NBN: variants seen among roughly 807,000 people sequenced by gnomAD.
The protein encoded by NBN is Nijmegen breakage syndrome 1 (nibrin).
In NBN, 88 loss-of-function variants were observed where a neutral mutation model predicts 90.8. That is an observed-to-expected ratio of 0.97 (90% CI 0.82 to 1.16). The LOEUF (loss-of-function observed/expected upper bound fraction) is 1.16. Among genes scored for constraint, NBN ranks in the 50% most tolerant of loss-of-function variants. The probability of loss-of-function intolerance (pLI) is 0.00; values close to 1 mark genes in which losing one functional copy is unlikely to be tolerated. For synonymous variants in NBN, 328 were observed against 295.1 expected, an observed-to-expected ratio of 1.11 and a Z score of -1.14; for missense variants, 894 against 869.6, an observed-to-expected ratio of 1.03 and a Z score of -0.35.
chr8:89,978,928 AT>A (rs1410286235), intron 4 of NBN, among the ~76,000 whole-genome samples: 1 of 152,256 alleles, frequency 6.6e-6, no homozygotes, highest in Non-Finnish European at 1.5e-5. Flanking sequence ...TATGACAAAC[AT>A]TAGAAAATGC....
At chr8:89,952,542 A>G (rs1489672793) in intron 11 of NBN, among the ~76,000 whole-genome samples, 1 of 152,214 alleles carries the variant, frequency 6.6e-6, no homozygotes, top group Non-Finnish European at 1.5e-5. Context: ...CTTAGCTAAT[A>G]AACTATAACT....
chr8:89,955,768 C>G (rs903151578), intron 9 of NBN, among the ~76,000 whole-genome samples: 5 of 152,066 alleles, frequency 3.3e-5, no homozygotes, highest in East Asian at 1.9e-4. Context: ...TTCTTCACCC[C>G]CTACAGCACA....
Position 89,937,064 on chromosome 8 carries a change from T to C in NBN, c.2196A>G (p.Gln732=), listed in dbSNP as rs587780780. Residue 732 remains glutamine (Q), a synonymous_variant, in exon 15 of 16, where the codon CAA becomes CAG. Coordinates refer to ENST00000265433, the MANE Select transcript of NBN (RefSeq NM_002485.5). ...CAGCAAGAGACTCTTCTTTTGCATG[T>C]TGATTTTGTACCTGTCAAAATTAAC... ...WLRQEMEVQN[Q]HAKEESLADD... 28 of 1,612,600 alleles carry C rather than the reference T, an allele frequency of 1.7e-5. No homozygotes were observed. The highest frequency in any genetic ancestry group is 1.6e-4 in the East Asian group (7 of 44,842).
intron 13 of NBN, 53 bp from the exon 14 acceptor site, chr8:89,943,419 CA>C: frequency 6.5e-7 from 1 of 1,550,170 alleles, no homozygotes; most frequent in East Asian, 2.3e-5. Flanking sequence ...CAAAAATGAC[CA>C]TTTTTTTAAA....
At chr8:89,970,313 A>C in intron 7 of NBN, 51 bp downstream of exon 7, 1 of 1,465,876 alleles carries the variant, frequency 6.8e-7, no homozygotes, top group Non-Finnish European at 9.5e-7. Context: ...AAAAGGTTAA[A>C]CATAAAATCT....
At chr8:89,938,978 T>G (rs1224126146) in intron 14 of NBN, among the ~76,000 whole-genome samples, 1 of 152,150 alleles carries the variant, frequency 6.6e-6, no homozygotes, top group East Asian at 1.9e-4. Context: ...ACATATAAAA[T>G]AGTATTAAGA....
In NBN at chr8:89,935,191, T is replaced by G. The variant is rs1180294897; in HGVS notation, c.*391A>C. ...AATTATTTAAAAATAGGAATTTGAA[T>G]AGGACTCAAAAATCCCTGGAAAGAT... On this transcript the variant is annotated 3_prime_UTR_variant, in exon 16 of 16. Transcript: ENST00000265433. 1 of 269,578 alleles carries G rather than the reference T, an allele frequency of 3.7e-6. No homozygotes were observed. The highest frequency in any genetic ancestry group is 2.2e-5 in the African/African-American group (1 of 45,784). The allele number at this position is 269,578 out of a possible 1,614,324, so 16.7% of individuals were successfully genotyped here.
intron 5 of NBN, 34 bp downstream of exon 5, chr8:89,978,186 T>C: frequency 1.3e-6 from 2 of 1,541,782 alleles, no homozygotes; most frequent in Admixed American, 1.7e-5. Context: ...ATCATATAAG[T>C]GACATCTTGT....
chr8:89,958,898 T>G lies in NBN; in HGVS notation c.995-44A>C, dbSNP rs763033661. The G allele has an allele frequency of 1.9e-6, 3 of 1,608,850 alleles. No individual in the cohort carries two copies. In the East Asian group the frequency reaches 6.7e-5, roughly 36 times the overall value. ...GAAAGAAAGAATCACAACTGCTAGA[T>G]AGAAGATGAACATCTGGTCACTTAA... is the stretch of plus-strand genomic sequence containing the variant. On this transcript the variant is annotated intron_variant, in intron 8 of 15. Coordinates refer to ENST00000265433, the MANE Select transcript of NBN (RefSeq NM_002485.5).
chr8:89,970,139 CTCAGGAGACTAAG>C (rs1429260452), intron 7 of NBN, among the ~76,000 whole-genome samples: 1 of 150,354 alleles, frequency 6.7e-6, no homozygotes. Flanking sequence ...ATCGCAGCTA[CTCAGGAGACTAAG>C]GCAGGAGAAT....
intron 11 of NBN, among the ~76,000 whole-genome samples, chr8:89,952,352 C>T (rs187775216): frequency 2.6e-5 from 4 of 152,332 alleles, no homozygotes; most frequent in Admixed American, 1.3e-4. Context: ...TACCAGCTGA[C>T]TCCAATGCAG....
chr8:89,965,270 T>C (rs901335554), intron 7 of NBN, among the ~76,000 whole-genome samples: 1 of 152,174 alleles, frequency 6.6e-6, no homozygotes. Flanking sequence ...TATCTATACA[T>C]GTGTTACAAC....
At chr8:89,980,199 A>G (rs1288545778) in intron 4 of NBN, among the ~76,000 whole-genome samples, 1 of 152,254 alleles carries the variant, frequency 6.6e-6, no homozygotes, top group East Asian at 1.9e-4. Flanking sequence ...GCTATAAAAC[A>G]TAATTCTAGT....
At chr8:89,984,181 T>C in intron 1 of NBN, 1 of 434,810 alleles carries the variant, frequency 2.3e-6, no homozygotes, top group Non-Finnish European at 4.2e-6. Context: ...TGCCGGGGGT[T>C]CCCACTAGGC....
At chr8:89,962,651 A>T (rs939385158) in intron 8 of NBN, among the ~76,000 whole-genome samples, 1 of 152,218 alleles carries the variant, frequency 6.6e-6, no homozygotes, top group African/African-American at 2.4e-5. Context: ...ATTCCACCAA[A>T]ATAAGTGATT....
At chr8:89,974,579 T>C (rs1000479545) in intron 5 of NBN, among the ~76,000 whole-genome samples, 1 of 152,158 alleles carries the variant, frequency 6.6e-6, no homozygotes, top group Non-Finnish European at 1.5e-5. Flanking sequence ...AGCCCCAGTA[T>C]GTTTGCTGCA....
intron 8 of NBN, among the ~76,000 whole-genome samples, chr8:89,962,258 A>ATC (rs1811024800): frequency 6.6e-6 from 1 of 152,216 alleles, no homozygotes; most frequent in Admixed American, 6.5e-5. Flanking sequence ...TGAAGCATAT[A>ATC]TCTAGTTGAG....
chr8:89,937,027 T>C lies in NBN; in HGVS notation c.2233A>G (p.Arg745Gly). 1 of 1,609,234 alleles carries C rather than the reference T, an allele frequency of 6.2e-7. No individual in the cohort carries two copies. Among genetic ancestry groups the C allele is most frequent in the African/African-American group, 1.3e-5 (1 of 74,950 alleles). The change falls in exon 15 of 16, where the codon AGA (arginine) becomes GGA (glycine). Residue 745 changes from arginine (R) to glycine (G), a missense_variant and splice_region_variant. Coordinates refer to ENST00000265433, the MANE Select transcript of NBN (RefSeq NM_002485.5). ...TGAGAAAGGTGAATCAAACTTTACC[T>C]AAAAAGATCATCAGCAAGAGACTCT... is the stretch of plus-strand genomic sequence containing the variant. ...KEESLADDLF[R>G]YNPYLKRRR
intron 11 of NBN, 117 bp from the exon 12 acceptor site, chr8:89,948,009 G>A (rs1054853612): frequency 1.6e-6 from 1 of 606,856 alleles, no homozygotes; most frequent in Non-Finnish European, 2.9e-6. Flanking sequence ...AAAAACTTAA[G>A]AGATATTCAT....
Sources: allele counts gnomAD v4.1 joint callset (sites outside exome capture counted in the v4.1 genomes callset), GRCh38; gene constraint gnomAD v4.1.1; transcripts MANE v1.5; gene names NCBI Gene and HGNC (gene_info 2026-07-23, HGNC 2026-07-21).